BCAT1: variants seen among roughly 807,000 people sequenced by gnomAD.
BCAT1 encodes the protein branched chain amino acid transaminase 1, also known as branched-chain-amino-acid aminotransferase, cytosolic.
In BCAT1, 48 loss-of-function variants were observed where a neutral mutation model predicts 52.4. The ratio of observed to expected loss-of-function variants is 0.92; its 90% CI spans 0.73 to 1.16. BCAT1 has a LOEUF of 1.16. Ranked by LOEUF, BCAT1 falls within the 50% of genes most tolerant of loss-of-function variation. The pLI is 0.00. For missense variants in BCAT1, 451 were observed against 457.1 expected (o/e 0.99, Z 0.12); for synonymous variants, 167 against 161.3 (o/e 1.04, Z -0.27).
intron 2 of BCAT1, among the ~76,000 whole-genome samples, chr12:24,898,519 A>ATTTTTTTT (rs1591853913): frequency 3.7e-4 from 9 of 24,030 alleles, no homozygotes; most frequent in Admixed American, 5.5e-4. Flanking sequence ...TTCAGTCAAC[A>ATTTTTTTT]CTTTTTTTTT....
intron 7 of BCAT1, among the ~76,000 whole-genome samples, chr12:24,839,294 C>A (rs182481576): frequency 6.6e-6 from 1 of 152,282 alleles, no homozygotes; most frequent in East Asian, 1.9e-4. Context: ...GCAAGCGGTA[C>A]AGACATCTGA....
chr12:24,919,454 A>C (rs1943470165), intron 1 of BCAT1, among the ~76,000 whole-genome samples: 1 of 152,190 alleles, frequency 6.6e-6, no homozygotes, highest in African/African-American at 2.4e-5. Flanking sequence ...TATCTAGTAG[A>C]TAAAGCTTGG....
At chr12:24,932,737 A>T (rs192403177) in intron 1 of BCAT1, among the ~76,000 whole-genome samples, 3 of 152,276 alleles carry the variant, frequency 2.0e-5, no homozygotes, top group Non-Finnish European at 4.4e-5. Flanking sequence ...CCTGGGTTCA[A>T]GTGATTCTCC....
intron 1 of BCAT1, among the ~76,000 whole-genome samples, chr12:24,941,025 T>C (rs1224543196): frequency 1.3e-5 from 2 of 152,234 alleles, no homozygotes; most frequent in Non-Finnish European, 2.9e-5. Context: ...GTATTGGAAT[T>C]GGTTAAGATT....
intron 6 of BCAT1, among the ~76,000 whole-genome samples, chr12:24,844,240 C>G (rs1304416020): frequency 1.3e-5 from 2 of 151,598 alleles, no homozygotes; most frequent in Non-Finnish European, 2.9e-5. Context: ...CCATCCTGAC[C>G]AACATGGAGA....
At chr12:24,839,329 G>A (rs530461165) in intron 7 of BCAT1, among the ~76,000 whole-genome samples, 12 of 152,298 alleles carry the variant, frequency 7.9e-5, no homozygotes, top group African/African-American at 2.4e-4. Flanking sequence ...AGTCGAGTCC[G>A]TATACACGCC....
intron 5 of BCAT1, among the ~76,000 whole-genome samples, chr12:24,867,478 G>C (rs888665565): frequency 6.6e-6 from 1 of 151,972 alleles, no homozygotes; most frequent in Non-Finnish European, 1.5e-5. Flanking sequence ...TACTTCCAGT[G>C]GCTATGGGCA....
At chr12:24,823,307 C>A (rs1037789233) in intron 10 of BCAT1, among the ~76,000 whole-genome samples, 1 of 152,112 alleles carries the variant, frequency 6.6e-6, no homozygotes, top group African/African-American at 2.4e-5. Context: ...CTCCTGGGCT[C>A]AAGCAATTCT....
chr12:24,859,010 C>G (rs1456950858), intron 5 of BCAT1, among the ~76,000 whole-genome samples: 2 of 152,062 alleles, frequency 1.3e-5, no homozygotes, highest in African/African-American at 4.8e-5. Context: ...AAAAGCACAA[C>G]AGGGTTTTCT....
chr12:24,866,019 T>G (rs1169210897), intron 5 of BCAT1, among the ~76,000 whole-genome samples: 2 of 152,194 alleles, frequency 1.3e-5, no homozygotes, highest in Non-Finnish European at 2.9e-5. Context: ...GTGGGAGCCA[T>G]TCTCTGGGCT....
At chr12:24,928,281 T>C (rs546498390) in intron 1 of BCAT1, among the ~76,000 whole-genome samples, 5 of 152,198 alleles carry the variant, frequency 3.3e-5, no homozygotes, top group African/African-American at 1.2e-4. Flanking sequence ...CTGATCTTTG[T>C]TATGGATTAA....
intron 10 of BCAT1, among the ~76,000 whole-genome samples, chr12:24,821,065 G>C (rs1431383659): frequency 6.6e-6 from 1 of 152,176 alleles, no homozygotes; most frequent in Non-Finnish European, 1.5e-5. Flanking sequence ...TGAGTCACAC[G>C]AGGGCAGTCT....
chr12:24,902,215 G>A, intron 1 of BCAT1: 8 of 1,418,558 alleles, frequency 5.6e-6, no homozygotes, highest in South Asian at 1.6e-5. Context: ...CCTTATATCC[G>A]AGCAAATAGT....
chr12:24,862,439 A>C (rs918544606), intron 5 of BCAT1, among the ~76,000 whole-genome samples: 1 of 152,134 alleles, frequency 6.6e-6, no homozygotes, highest in Admixed American at 6.5e-5. Flanking sequence ...CTGATAAGAG[A>C]CCTCTGACCA....
chr12:24,834,455 C>T lies in BCAT1; in HGVS notation c.904-1592G>A, dbSNP rs573695360. 5.2e-5 allele frequency: 51 copies of T among 983,904 alleles called. No homozygotes were observed. In the African/African-American group the frequency reaches 7.9e-4, roughly 15 times the overall value. 60.9% of individuals were successfully genotyped at this position (983,904 alleles called of 1,614,324 possible). A position where few individuals can be genotyped will look rare whatever the true frequency, so the allele number is the denominator to read the frequency against. ...TTAAACTATCTGTTTAATTCTTGTT[C>T]TTTTACCTCAGTGGTTCAAGTTCAA... On this transcript the variant is annotated intron_variant, in intron 8 of 10. Transcript: ENST00000261192.
chr12:24,847,595 G>T (rs973003618), intron 6 of BCAT1, among the ~76,000 whole-genome samples: 1 of 152,190 alleles, frequency 6.6e-6, no homozygotes, highest in African/African-American at 2.4e-5. Flanking sequence ...GTGTGCATGT[G>T]CAAGAGAGAG....
chr12:24,890,010 C>A (rs1245835981), intron 3 of BCAT1, among the ~76,000 whole-genome samples: 2 of 152,062 alleles, frequency 1.3e-5, no homozygotes, highest in Non-Finnish European at 2.9e-5. Flanking sequence ...GGCATGGAAG[C>A]CCTGCACTCT....
At chr12:24,920,852 G>T (rs575380387) in intron 1 of BCAT1, among the ~76,000 whole-genome samples, 9 of 152,176 alleles carry the variant, frequency 5.9e-5, no homozygotes, top group African/African-American at 1.9e-4. Context: ...TTGCTAGCGT[G>T]GTTCACAGAA....
intron 1 of BCAT1, among the ~76,000 whole-genome samples, chr12:24,930,815 C>A (rs10505953): frequency 0.16 from 24,292 of 150,618 alleles, 2,646 homozygotes; most frequent in South Asian, 0.37. Context: ...TTAGAAGGTT[C>A]TTTAGATGTG....
Sources: gnomAD v4.1 joint callset for allele counts (sites outside exome capture counted in the v4.1 genomes callset) on GRCh38, gnomAD v4.1.1 for gene constraint, MANE v1.5 for transcripts, NCBI Gene and HGNC (gene_info 2026-07-23, HGNC 2026-07-21) for gene names.